NUP133: variants seen among roughly 807,000 people sequenced by gnomAD.
NUP133 encodes nuclear pore complex protein Nup133.
NUP133 carries 66 observed loss-of-function variants against 146.2 expected under a neutral mutation model. The observed-to-expected ratio is 0.45, with a 90% CI of 0.37 to 0.55. The LOEUF (loss-of-function observed/expected upper bound fraction) is 0.55. NUP133 is among the 20% of genes least tolerant of loss of function. The pLI is 0.00. For synonymous variants in NUP133, 521 were observed against 498.8 expected (o/e 1.04, Z -0.59); for missense variants, 1,277 against 1,374.8 (o/e 0.93, Z 1.12).
At position 229,467,809 on chromosome 1, in the gene NUP133, C is replaced by T. The variant is rs551757488; in HGVS notation, c.2077-1053G>A. The stretch of plus-strand genomic sequence containing the variant: ...GCGTCGTGGCGTGCACCTGGAGTCC[C>T]GGCTACTTGGGAGGCTGAGGCAGGA... On this transcript the variant is annotated intron_variant, in intron 15 of 25. Coordinates refer to ENST00000261396, the MANE Select transcript of NUP133 (RefSeq NM_018230.3). Among the ~76,000 whole-genome samples, 7 of 151,642 alleles carry T rather than the reference C, an allele frequency of 4.6e-5. No homozygotes were observed. The South Asian group carries it at 6.3e-4, about 14-fold the overall frequency.
intron 8 of NUP133, among the ~76,000 whole-genome samples, chr1:229,491,148 G>C (rs999630189): frequency 2.0e-5 from 3 of 152,052 alleles, no homozygotes; most frequent in Non-Finnish European, 4.4e-5. Context: ...TTTGTTCGAA[G>C]GCAACCATAC....
intron 9 of NUP133, among the ~76,000 whole-genome samples, chr1:229,488,548 C>T (rs980397485): frequency 8.5e-5 from 13 of 152,050 alleles, no homozygotes; most frequent in Admixed American, 2.6e-4. Flanking sequence ...TTTTTTCTAA[C>T]ACTGAGCATG....
At chr1:229,461,193 G>A (rs1034049346) in intron 19 of NUP133, among the ~76,000 whole-genome samples, 2 of 152,168 alleles carry the variant, frequency 1.3e-5, no homozygotes, top group African/African-American at 4.8e-5. Context: ...AGAAAGCTCT[G>A]TGGGACAGCA....
intron 2 of NUP133, among the ~76,000 whole-genome samples, chr1:229,504,458 T>C (rs974495177): frequency 6.6e-6 from 1 of 152,186 alleles, no homozygotes; most frequent in Non-Finnish European, 1.5e-5. Context: ...TGCTCATCTT[T>C]AAAGTTGCCT....
In NUP133 at chr1:229,458,194, A is replaced by T. The variant is rs1201300236; in HGVS notation, c.2947T>A (p.Phe983Ile). The T allele has an allele frequency of 6.2e-7, 1 of 1,613,380 alleles. No homozygotes were observed. The highest frequency in any genetic ancestry group is 1.1e-5 in the South Asian group (1 of 91,020). Residue 983 changes from phenylalanine (F) to isoleucine (I), a missense_variant, in exon 21 of 26, where the codon TTT becomes ATT. Phe to Ile is a conservative substitution (Grantham distance 21). Transcript: ENST00000261396. Reference protein sequence around the residue: ...LSKLAALASDFSEDMLQEKIE... With the variant: ...LSKLAALASDISEDMLQEKIE... ...TTTTCTTGTAGCATATCCTCTGAAA[A>T]GTCTGAAGCTAATGCAGCCAATTTA... is the stretch of plus-strand genomic sequence containing the variant.
intron 5 of NUP133, 34 bp from the exon 6 acceptor site, chr1:229,498,340 A>C: frequency 1.4e-6 from 2 of 1,453,070 alleles, no homozygotes; most frequent in Non-Finnish European, 1.8e-6. Context: ...AGTTCAGTTT[A>C]GCATCGAATG....
intron 9 of NUP133, among the ~76,000 whole-genome samples, chr1:229,488,448 GAAGT>G (rs1325630726): frequency 1.3e-5 from 2 of 152,006 alleles, no homozygotes; most frequent in Non-Finnish European, 2.9e-5. Flanking sequence ...TGTTATTAAA[GAAGT>G]AATTTTACAG....
intron 12 of NUP133, among the ~76,000 whole-genome samples, chr1:229,480,095 T>G (rs1202834825): frequency 2.0e-5 from 3 of 151,912 alleles, no homozygotes; most frequent in African/African-American, 4.8e-5. Context: ...GGAAGAAGAG[T>G]ACACTTCCTA....
At chr1:229,447,598 G>A (rs996149173) in intron 24 of NUP133, among the ~76,000 whole-genome samples, 1 of 152,014 alleles carries the variant, frequency 6.6e-6, no homozygotes, top group African/African-American at 2.4e-5. Context: ...TCAATATCCA[G>A]GGAGGGAAGA....
At chr1:229,443,068 C>T (rs12142272) in intron 25 of NUP133, among the ~76,000 whole-genome samples, 22,275 of 152,052 alleles carry the variant, frequency 0.15, 1,794 homozygotes, top group Middle Eastern at 0.24. Context: ...CACTCTGTCA[C>T]CCAGGCTGGA....
chr1:229,452,739 G>GA, intron 21 of NUP133, 96 bp from the exon 22 acceptor site: 2 of 799,280 alleles, frequency 2.5e-6, no homozygotes, highest in Non-Finnish European at 4.0e-6. Flanking sequence ...AATTTTAAAA[G>GA]AAAAAAATAG....
intron 10 of NUP133, 113 bp from the exon 11 acceptor site, chr1:229,486,641 T>C (rs1392247787): frequency 2.0e-6 from 2 of 1,019,898 alleles, no homozygotes; most frequent in East Asian, 5.6e-5. Flanking sequence ...GCACATTTTT[T>C]CCTTTACAAC....
At chr1:229,472,982 T>C (rs1660994383) in intron 14 of NUP133, among the ~76,000 whole-genome samples, 1 of 152,098 alleles carries the variant, frequency 6.6e-6, no homozygotes, top group Non-Finnish European at 1.5e-5. Context: ...CTGGGTGCAG[T>C]GGCTCAGGCT....
intron 23 of NUP133, among the ~76,000 whole-genome samples, chr1:229,450,272 G>A (rs879554556): frequency 5.9e-5 from 9 of 152,112 alleles, no homozygotes; most frequent in Non-Finnish European, 1.3e-4. Flanking sequence ...AATATTTCAG[G>A]ACTTTGAAAA....
Position 229,479,154 on chromosome 1 carries a change from C to T in NUP133, c.1593-1394G>A, listed in dbSNP as rs189842798. 2.0e-5 allele frequency among the ~76,000 whole-genome samples: 3 copies of T among 152,312 alleles called. No individual in the cohort carries two copies. The East Asian group carries it at 5.8e-4, about 29-fold the overall frequency. ...CTCAGTATACACAGGGGATTAGTTA[C>T]AGGACCCCCAACATACACCAAAATC... is the stretch of plus-strand genomic sequence containing the variant. On this transcript the variant is annotated intron_variant, in intron 12 of 25. Transcript: ENST00000261396.
At position 229,490,119 on chromosome 1, in the gene NUP133, G is replaced by A. The variant is rs889131328; in HGVS notation, c.1047-17C>T. On this transcript the variant is annotated splice_polypyrimidine_tract_variant and intron_variant, in intron 8 of 25. Coordinates refer to ENST00000261396, the MANE Select transcript of NUP133 (RefSeq NM_018230.3). The stretch of plus-strand genomic sequence containing the variant: ...AGCCCATCACTAATCAATAAAAAAG[G>A]AAGATGTAAAGCCTCTCTAAAAAAC... 5 of 1,525,364 alleles carry A rather than the reference G, an allele frequency of 3.3e-6. No homozygotes were observed. The East Asian group carries it at 1.2e-4, about 36-fold the overall frequency. 94.5% of individuals were successfully genotyped at this position (1,525,364 alleles called of 1,614,324 possible).
chr1:229,464,712 CT>C lies in NUP133; in HGVS notation c.2462del (p.Lys821SerfsTer33). 6.2e-7 allele frequency: 1 copy of C among 1,614,226 alleles called. No individual in the cohort carries two copies. On this transcript the variant is annotated frameshift_variant, in exon 18 of 26. Coordinates refer to ENST00000261396, the MANE Select transcript of NUP133 (RefSeq NM_018230.3). LOFTEE classifies it high-confidence loss of function. ...CFLDGYVSQLKSVDKSSNRER... is the reference protein window; with the variant it reads ...CFLDGYVSQLXSVDKSSNRER... ...CCCGATTACTGGATTTATCCACAGA[CT>C]TAAGCTGAGAAACATAACCATCCAG...
intron 4 of NUP133, among the ~76,000 whole-genome samples, chr1:229,500,375 C>G (rs1661766358): frequency 6.6e-6 from 1 of 152,096 alleles, no homozygotes; most frequent in Non-Finnish European, 1.5e-5. Flanking sequence ...TGACCCATTT[C>G]AAATTAATCT....
intron 14 of NUP133, among the ~76,000 whole-genome samples, chr1:229,475,395 T>A (rs1438596533): frequency 1.3e-5 from 2 of 152,196 alleles, no homozygotes; most frequent in Non-Finnish European, 2.9e-5. Flanking sequence ...AATCGACTCA[T>A]GAAAACTTAA....
Sources: gnomAD v4.1 joint callset for allele counts (sites outside exome capture counted in the v4.1 genomes callset) on GRCh38, gnomAD v4.1.1 for gene constraint, MANE v1.5 for transcripts, NCBI Gene and HGNC (gene_info 2026-07-23, HGNC 2026-07-21) for gene names.